The following DAB1 variants were observed in gnomAD, a reference collection of about 807,000 sequenced individuals.
The protein encoded by DAB1 is DAB adaptor protein 1, also known as disabled homolog 1.
Under a neutral mutation model 64.6 loss-of-function variants are expected in DAB1, and 15 were observed. That is an observed-to-expected ratio of 0.23 (90% CI 0.16 to 0.36). The LOEUF is 0.36. Among genes scored for constraint, DAB1 ranks in the 10% least tolerant of loss-of-function variants. DAB1 has a pLI of 1.00. For synonymous variants in DAB1, 235 were observed against 251.9 expected (o/e 0.93, Z 0.64); for missense variants, 596 against 706.7 (o/e 0.84, Z 1.78).
intron 1 of DAB1, among the ~76,000 whole-genome samples, chr1:57,356,872 C>T (rs573797983): frequency 3.2e-4 from 49 of 152,072 alleles, no homozygotes; most frequent in African/African-American, 8.7e-4. Flanking sequence ...AAGCCACCAC[C>T]GGAGAAGCAG....
chr1:58,282,729 C>T (rs969960090), intron 4 of DAB1, among the ~76,000 whole-genome samples: 30 of 152,082 alleles, frequency 2.0e-4, no homozygotes, highest in African/African-American at 9.7e-5. Context: ...AAAGATATTT[C>T]CCAAAATAAA....
At chr1:57,922,706 C>A (rs1252189604) in intron 5 of DAB1, among the ~76,000 whole-genome samples, 2 of 151,576 alleles carry the variant, frequency 1.3e-5, no homozygotes, top group African/African-American at 4.8e-5. Flanking sequence ...AATAGCTGGG[C>A]GTGCTGGCTG....
intron 2 of DAB1, among the ~76,000 whole-genome samples, chr1:57,250,284 G>A (rs1669229664): frequency 6.6e-6 from 1 of 152,156 alleles, no homozygotes; most frequent in African/African-American, 2.4e-5. Flanking sequence ...GCAGGATGCT[G>A]TACGCCAATC....
intron 3 of DAB1, among the ~76,000 whole-genome samples, chr1:58,362,327 C>T (rs1472359193): frequency 6.6e-6 from 1 of 152,210 alleles, no homozygotes; most frequent in Non-Finnish European, 1.5e-5. Context: ...GTTGGTCCCT[C>T]CTAGTGGCAC....
intron 1 of DAB1, among the ~76,000 whole-genome samples, chr1:57,351,673 T>C (rs1279429451): frequency 1.3e-5 from 2 of 152,074 alleles, no homozygotes; most frequent in Non-Finnish European, 2.9e-5. Context: ...CAAGCATGCA[T>C]GCATGTGCGC....
chr1:57,540,472 T>C (rs544473642), intron 7 of DAB1, among the ~76,000 whole-genome samples: 1 of 152,278 alleles, frequency 6.6e-6, no homozygotes, highest in Admixed American at 6.5e-5. Flanking sequence ...AGCAAATAGG[T>C]ATATCAAAGG....
intron 2 of DAB1, among the ~76,000 whole-genome samples, chr1:57,153,097 C>G (rs1249109973): frequency 6.6e-6 from 1 of 152,214 alleles, no homozygotes; most frequent in Non-Finnish European, 1.5e-5. Context: ...ATGATCTTAG[C>G]TCACTGCAAT....
intron 5 of DAB1, among the ~76,000 whole-genome samples, chr1:57,957,941 G>T (rs1645429248): frequency 6.6e-6 from 1 of 151,708 alleles, no homozygotes; most frequent in Admixed American, 6.6e-5. Flanking sequence ...GAAACTCTTT[G>T]TTCTGACAGT....
At chr1:58,367,051 C>T (rs1644223917) in intron 3 of DAB1, among the ~76,000 whole-genome samples, 1 of 152,074 alleles carries the variant, frequency 6.6e-6, no homozygotes, top group Admixed American at 6.6e-5. Context: ...AATAATTATG[C>T]ATCTTATAAT....
chr1:57,804,818 C>G (rs1651287244), intron 6 of DAB1, among the ~76,000 whole-genome samples: 1 of 152,172 alleles, frequency 6.6e-6, no homozygotes, highest in Admixed American at 6.5e-5. Flanking sequence ...CATAACAATT[C>G]TAAATATATA....
At chr1:57,473,481 C>G (rs535601240) in intron 7 of DAB1, among the ~76,000 whole-genome samples, 1 of 152,334 alleles carries the variant, frequency 6.6e-6, no homozygotes, top group East Asian at 1.9e-4. Flanking sequence ...CCCTATCTTG[C>G]TTGCCTCAGT....
intron 4 of DAB1, among the ~76,000 whole-genome samples, chr1:57,092,724 C>T (rs1344203926): frequency 2.3e-4 from 34 of 148,946 alleles, no homozygotes; most frequent in Admixed American, 2.2e-3. Context: ...TGCCAGGTGC[C>T]CTGAGAGGGG....
chr1:57,987,347 TG>T (rs1646243597), intron 5 of DAB1, among the ~76,000 whole-genome samples: 1 of 152,218 alleles, frequency 6.6e-6, no homozygotes, highest in Admixed American at 6.5e-5. Flanking sequence ...TTACCTTTTG[TG>T]TGAGGTATTT....
chr1:58,208,323 A>G (rs544369), intron 4 of DAB1, among the ~76,000 whole-genome samples: 123,370 of 151,998 alleles, frequency 0.81, 50,563 homozygotes, highest in South Asian at 0.88. Flanking sequence ...GGTTTTGGGG[A>G]AACAGGTGGT....
chr1:58,092,189 A>G (rs1255573564), intron 5 of DAB1, among the ~76,000 whole-genome samples: 4 of 152,060 alleles, frequency 2.6e-5, no homozygotes, highest in Non-Finnish European at 2.9e-5. Flanking sequence ...ACAAAAAAAT[A>G]GGTGGGTGTG....
At chr1:57,769,362 G>C (rs2101828326) in intron 6 of DAB1, among the ~76,000 whole-genome samples, 1 of 152,222 alleles carries the variant, frequency 6.6e-6, no homozygotes, top group African/African-American at 2.4e-5. Flanking sequence ...CCTGGGTCTT[G>C]TGAGGATCAA....
intron 2 of DAB1, among the ~76,000 whole-genome samples, chr1:57,172,705 A>C (rs1641662355): frequency 6.6e-6 from 1 of 152,132 alleles, no homozygotes. Context: ...TCTTTTTAAC[A>C]ACCAGCTCTC....
chr1:57,004,157 G>A (rs1015532185), intron 14 of DAB1, among the ~76,000 whole-genome samples: 1 of 152,154 alleles, frequency 6.6e-6, no homozygotes, highest in African/African-American at 2.4e-5. Context: ...GGAGACAGTG[G>A]AGAGCCAGGG....
At chr1:57,568,894 G>A (rs1294798402) in intron 7 of DAB1, among the ~76,000 whole-genome samples, 1 of 152,128 alleles carries the variant, frequency 6.6e-6, no homozygotes, top group African/African-American at 2.4e-5. Context: ...TCTAGAACTA[G>A]AAATACCATT....
Sources: allele counts gnomAD v4.1 joint callset (sites outside exome capture counted in the v4.1 genomes callset), GRCh38; gene constraint gnomAD v4.1.1; transcripts MANE v1.5; gene names NCBI Gene and HGNC (gene_info 2026-07-23, HGNC 2026-07-21).